The following MYO7B variants were observed in gnomAD, a reference collection of about 807,000 sequenced individuals.
MYO7B encodes the protein unconventional myosin-VIIb.
A neutral mutation model predicts 259.7 loss-of-function variants in MYO7B; 212 were observed. That is an observed-to-expected ratio of 0.82 (90% CI 0.73 to 0.91). MYO7B has a LOEUF of 0.91. Among genes scored for constraint, MYO7B ranks in the 40% least tolerant of loss-of-function variants. MYO7B has a pLI of 0.00. For missense variants in MYO7B, 2,732 were observed against 2,813.5 expected (o/e 0.97, Z 0.66); for synonymous variants, 1,197 against 1,166.4 (o/e 1.03, Z -0.54).
rs961227305 is a variant in MYO7B, at chr2:127,636,099, C to T, written c.6007-109C>T. 12 of 1,093,746 alleles carry T rather than the reference C, an allele frequency of 1.1e-5. No individual in the cohort carries two copies. The Admixed American group carries it at 1.6e-4, about 15-fold the overall frequency. 67.8% of individuals were successfully genotyped at this position (1,093,746 alleles called of 1,614,324 possible). A position where few individuals can be genotyped will look rare whatever the true frequency, so the allele number is the denominator to read the frequency against. ...CGAGACTGTCCCATGCTGCATTCCT[C>T]CCCTCCCCTCCCCACCGTACTAGCC... On this transcript the variant is annotated intron_variant, in intron 44 of 47. Coordinates refer to ENST00000409816, the MANE Select transcript of MYO7B (RefSeq NM_001393586.1). The surrounding 1 kb of genome is among the most constrained non-coding windows in gnomAD (Gnocchi z 4.5).
In MYO7B at chr2:127,584,474, C is replaced by G; in HGVS notation, c.1554+142C>G. The G allele has an allele frequency of 2.1e-6, 2 of 949,082 alleles. No homozygotes were observed. Among genetic ancestry groups the G allele is most frequent in the Non-Finnish European group, 3.1e-6 (2 of 644,090 alleles). 58.8% of individuals were successfully genotyped at this position (949,082 alleles called of 1,614,324 possible). A position where few individuals can be genotyped will look rare whatever the true frequency, so the allele number is the denominator to read the frequency against. ...CAGGAATAAGCAGAAGAGCCTCAGT[C>G]TAACCAGACAGACCCTCCTCTCCAA... On this transcript the variant is annotated intron_variant, in intron 13 of 47. Transcript: ENST00000409816. The surrounding 1 kb of genome is among the most constrained non-coding windows in gnomAD (Gnocchi z 5.8).
intron 1 of MYO7B, among the ~76,000 whole-genome samples, chr2:127,538,144 G>A (rs1322896630): frequency 1.3e-5 from 2 of 152,148 alleles, no homozygotes; most frequent in African/African-American, 4.8e-5. Flanking sequence ...GATGGTGTGA[G>A]GATGAGGGTG....
At chr2:127,587,594 A>C (rs1679353531) in intron 14 of MYO7B, among the ~76,000 whole-genome samples, 1 of 130,548 alleles carries the variant, frequency 7.7e-6, no homozygotes, top group Non-Finnish European at 1.6e-5. Context: ...TTTGAGACAG[A>C]GTCTCACTGT....
intron 1 of MYO7B, among the ~76,000 whole-genome samples, chr2:127,543,701 GTA>G (rs1166384230): frequency 2.0e-5 from 3 of 150,602 alleles, no homozygotes; most frequent in Non-Finnish European, 4.4e-5. Flanking sequence ...CTCTATATAT[GTA>G]TATATATATC....
chr2:127,537,859 C>T (rs935228779), intron 1 of MYO7B, among the ~76,000 whole-genome samples: 1 of 152,136 alleles, frequency 6.6e-6, no homozygotes, highest in Admixed American at 6.5e-5. Flanking sequence ...ACACTTGGCA[C>T]ATGCTGAATG....
chr2:127,582,471 C>T lies in MYO7B; in HGVS notation c.1343+25C>T, dbSNP rs537885375. 5.0e-6 allele frequency: 8 copies of T among 1,608,884 alleles called. No homozygotes were observed. In the African/African-American group the frequency reaches 6.7e-5, roughly 13 times the overall value. On this transcript the variant is annotated intron_variant, in intron 12 of 47. Coordinates refer to ENST00000409816, the MANE Select transcript of MYO7B (RefSeq NM_001393586.1). ...GGTATGAAGATCTCAGATCCCAGCC[C>T]CACTGCTTCCAGAAAACAGAAGATA...
Position 127,620,413 on chromosome 2 carries a change from A to C in MYO7B, c.3472A>C (p.Ile1158Leu), listed in dbSNP as rs770378641. The C allele has an allele frequency of 4.3e-6, 7 of 1,610,262 alleles. No homozygotes were observed. Reference sequence around the variant, plus strand: ...AACAAGCAGCCTGGCCCGGGGCTGGATCCTGCTCAGCCTCTGCCTCGGCTG... The same window carrying C: ...AACAAGCAGCCTGGCCCGGGGCTGGCTCCTGCTCAGCCTCTGCCTCGGCTG... Reference protein sequence around the residue: ...FKTSSLARGWILLSLCLGCFP... With the variant: ...FKTSSLARGWLLLSLCLGCFP... Residue 1158 changes from isoleucine (I) to leucine (L), a missense_variant, in exon 27 of 48, where the codon ATC becomes CTC. Coordinates refer to ENST00000409816, the MANE Select transcript of MYO7B (RefSeq NM_001393586.1).
chr2:127,595,203 G>A (rs535238315), intron 18 of MYO7B, among the ~76,000 whole-genome samples: 1 of 152,282 alleles, frequency 6.6e-6, no homozygotes, highest in East Asian at 1.9e-4. Context: ...TTGGGAGGGT[G>A]TATGTGTCCA....
chr2:127,565,592 TAG>T (rs1182484723), intron 4 of MYO7B, among the ~76,000 whole-genome samples: 1 of 152,220 alleles, frequency 6.6e-6, no homozygotes, highest in Non-Finnish European at 1.5e-5. Context: ...AGCCAATGCG[TAG>T]AGTGACAGCA....
Position 127,627,084 on chromosome 2 carries a change from C to T in MYO7B, c.4325C>T (p.Thr1442Ile), listed in dbSNP as rs1241501356. 6.2e-7 allele frequency: 1 copy of T among 1,610,628 alleles called. No homozygotes were observed. Among genetic ancestry groups the T allele is most frequent in the Admixed American group, 1.7e-5 (1 of 59,638 alleles). The change falls in exon 32 of 48, where the codon ACA becomes ATA. Residue 1442 changes from threonine (T) to isoleucine (I), a missense_variant. Thr to Ile is a moderately conservative substitution (Grantham distance 89). Coordinates refer to ENST00000409816, the MANE Select transcript of MYO7B (RefSeq NM_001393586.1). The surrounding 1 kb of genome is among the most constrained non-coding windows in gnomAD (Gnocchi z 5.6). ...TTCTCCCGGCTCTTCGAAGTCATCA[C>T]ACTCTCAGGTAATGGCATCTGACAG... ...LLFSRLFEVI[T>I]LSGPRLPKTQ...
At chr2:127,538,746 G>C (rs971928752) in intron 1 of MYO7B, among the ~76,000 whole-genome samples, 1 of 151,816 alleles carries the variant, frequency 6.6e-6, no homozygotes, top group Non-Finnish European at 1.5e-5. Context: ...TTGTATTTTT[G>C]TAGAGATGGG....
intron 12 of MYO7B, among the ~76,000 whole-genome samples, chr2:127,583,671 G>A (rs1393735491): frequency 2.6e-5 from 4 of 152,216 alleles, no homozygotes; most frequent in Admixed American, 1.3e-4. Flanking sequence ...TCTGGGAACA[G>A]GGGCAGTAGG....
intron 1 of MYO7B, among the ~76,000 whole-genome samples, chr2:127,541,122 G>A (rs984390727): frequency 1.3e-4 from 19 of 151,362 alleles, no homozygotes; most frequent in African/African-American, 2.2e-4. Flanking sequence ...TGAAGGGAGC[G>A]TCTGCTGGGC....
chr2:127,605,769 A>T (rs1680137803), intron 19 of MYO7B, 75 bp from the exon 20 acceptor site: 9 of 1,337,794 alleles, frequency 6.7e-6, no homozygotes, highest in Non-Finnish European at 9.5e-6. Flanking sequence ...TTCCCTTCCA[A>T]ACCAGTTTTT....
At chr2:127,557,885 A>G (rs889811820) in intron 1 of MYO7B, among the ~76,000 whole-genome samples, 62 of 152,346 alleles carry the variant, frequency 4.1e-4, no homozygotes, top group Admixed American at 2.0e-3. Context: ...TAAAACTATA[A>G]AAATTCTAGA....
chr2:127,626,932 G>A, intron 31 of MYO7B, 43 bp from the exon 32 acceptor site: 1 of 1,539,840 alleles, frequency 6.5e-7, no homozygotes, highest in Non-Finnish European at 8.9e-7. Context: ...GGATTCACTA[G>A]GGAAGGCAGG....
At chr2:127,558,253 C>A (rs1450444655) in intron 1 of MYO7B, among the ~76,000 whole-genome samples, 1 of 152,150 alleles carries the variant, frequency 6.6e-6, no homozygotes, top group Non-Finnish European at 1.5e-5. Context: ...AAATGCTCAA[C>A]ATCACTAATG....
At chr2:127,550,034 T>C (rs1223995729) in intron 1 of MYO7B, among the ~76,000 whole-genome samples, 1 of 152,192 alleles carries the variant, frequency 6.6e-6, no homozygotes, top group Non-Finnish European at 1.5e-5. Context: ...GGCATTGTAT[T>C]TCATAATTTT....
intron 1 of MYO7B, among the ~76,000 whole-genome samples, chr2:127,544,834 C>G (rs1693156787): frequency 6.6e-6 from 1 of 152,060 alleles, no homozygotes; most frequent in Non-Finnish European, 1.5e-5. Context: ...CCCGCCTCGG[C>G]CTCCCAAAGT....
Sources: gnomAD v4.1 joint callset for allele counts (sites outside exome capture counted in the v4.1 genomes callset) on GRCh38, gnomAD v4.1.1 for gene constraint, Gnocchi (gnomAD v3.1) non-coding constraint, MANE v1.5 for transcripts, NCBI Gene and HGNC (gene_info 2026-07-23, HGNC 2026-07-21) for gene names.